The following DTX3L variants were observed in gnomAD, a reference collection of about 807,000 sequenced individuals.
DTX3L encodes deltex E3 ubiquitin ligase 3L.
A neutral mutation model predicts 60.9 loss-of-function variants in DTX3L; 34 were observed. The observed-to-expected ratio is 0.56, with a 90% CI of 0.42 to 0.74. DTX3L has a LOEUF of 0.74. Among genes scored for constraint, DTX3L ranks in the 30% least tolerant of loss-of-function variants. The pLI is 0.00. For synonymous variants in DTX3L, 290 were observed against 316.6 expected (o/e 0.92, Z 0.89); for missense variants, 810 against 874.0 (o/e 0.93, Z 0.92).
At chr3:122,564,750 G>A (rs1033457845) in intron 1 of DTX3L, 137 bp downstream of exon 1, 17 of 1,102,896 alleles carry the variant, frequency 1.5e-5, no homozygotes, top group Non-Finnish European at 2.1e-5. Context: ...CAGGGACGGG[G>A]CCCTACTGCC....
In DTX3L at chr3:122,564,372, C is replaced by T; in HGVS notation, c.-55C>T. On this transcript the variant is annotated 5_prime_UTR_variant, in exon 1 of 5. Coordinates refer to ENST00000296161, the MANE Select transcript of DTX3L (RefSeq NM_138287.3). The stretch of plus-strand genomic sequence containing the variant: ...CGCCCAGTCCGCAGGGCGGGCCGCG[C>T]CTTTACCGCCCAGCTGCCTCCCGGA... 6.5e-7 allele frequency: 1 copy of T among 1,547,298 alleles called. No individual in the cohort carries two copies. The highest frequency in any genetic ancestry group is 8.7e-7 in the Non-Finnish European group (1 of 1,147,796).
At chr3:122,565,119 CTTTT>C (rs1301196125) in intron 1 of DTX3L, among the ~76,000 whole-genome samples, 2 of 152,076 alleles carry the variant, frequency 1.3e-5, no homozygotes, top group African/African-American at 4.8e-5. Flanking sequence ...TCCTTCCTGC[CTTTT>C]TTTATGAATG....
chr3:122,564,667 T>A, intron 1 of DTX3L, 54 bp downstream of exon 1: 4 of 1,546,908 alleles, frequency 2.6e-6, no homozygotes. Flanking sequence ...GGCCCCCGGG[T>A]TTCCAGGCGG....
chr3:122,571,074 T>C (rs9289200), intron 4 of DTX3L, among the ~76,000 whole-genome samples: 51,928 of 151,838 alleles, frequency 0.34, 9,388 homozygotes, highest in East Asian at 0.56. Flanking sequence ...GCCAATAATA[T>C]TCTAGAAAAA....
Position 122,569,076 on chromosome 3 carries a change from T to A in DTX3L, c.987T>A (p.Phe329Leu). Residue 329 changes from phenylalanine to leucine, a missense_variant, in exon 3 of 5, where the codon TTT becomes TTA. Phe to Leu is a conservative substitution (Grantham distance 22). Coordinates refer to ENST00000296161, the MANE Select transcript of DTX3L (RefSeq NM_138287.3). ...TCAAACAGGAATTGAATCACCAGTT[T>A]ACAAAGCTCCTTATAAAGGAGAAAG... is the stretch of plus-strand genomic sequence containing the variant. ...NKFKQELNHQ[F>L]TKLLIKEKGG... The A allele has an allele frequency of 6.2e-7, 1 of 1,614,098 alleles. No individual in the cohort carries two copies. Among genetic ancestry groups the A allele is most frequent in the Non-Finnish European group, 8.5e-7 (1 of 1,180,018 alleles).
rs1159020835 is a variant in DTX3L at position 122,574,108 on chromosome 3, G to C, written c.*2361G>C. The C allele has an allele frequency of 1.3e-5, 2 of 152,042 alleles. No individual in the cohort carries two copies. The highest frequency in any genetic ancestry group is 2.9e-5 in the Non-Finnish European group (2 of 68,046). 9.4% of individuals were successfully genotyped at this position (152,042 alleles called of 1,614,324 possible). A position where few individuals can be genotyped will look rare whatever the true frequency, so the allele number is the denominator to read the frequency against. ...CTGTCTTGGGCTCCCAAAGTGTTGG[G>C]ATTACAGGCGTGAGTGACCATGCCT... is the stretch of plus-strand genomic sequence containing the variant. On this transcript the variant is annotated 3_prime_UTR_variant, in exon 5 of 5. Transcript: ENST00000296161.
In DTX3L at chr3:122,569,573, TG is replaced by T. The variant is rs1362603497; in HGVS notation, c.1485del (p.Leu495PhefsTer13). Reference protein sequence around the residue: ...LNQESMTLTGLPNHLAKAKQY... With the variant: ...LNQESMTLTGXPNHLAKAKQY... ...CAAGAGTCAATGACTTTGACTGGTT[TG>T]CCAAATCACCTTGCAAAGGCGAAGC... is the stretch of plus-strand genomic sequence containing the variant. On this transcript the variant is annotated frameshift_variant, in exon 3 of 5. Coordinates refer to ENST00000296161, the MANE Select transcript of DTX3L (RefSeq NM_138287.3). LOFTEE classifies it high-confidence loss of function. 6.2e-7 allele frequency: 1 copy of T among 1,614,236 alleles called. No individual in the cohort carries two copies. Among genetic ancestry groups the T allele is most frequent in the South Asian group, 1.1e-5 (1 of 91,088 alleles).
At chr3:122,571,604 C>A in intron 4 of DTX3L, 74 bp from the exon 5 acceptor site, 1 of 1,145,848 alleles carries the variant, frequency 8.7e-7, no homozygotes, top group Non-Finnish European at 1.3e-6. Context: ...TTAATTAAAT[C>A]CTTAAATGCT....
chr3:122,570,643 C>T lies in DTX3L; in HGVS notation c.2124C>T (p.His708=), dbSNP rs370708553. The change falls in exon 4 of 5, where the codon CAC becomes CAT. Residue 708 remains histidine, a synonymous_variant. Transcript: ENST00000296161. ...SDVITWNDIH[H]KTSRFGGPEM... ...TCATCACTTGGAATGATATTCACCACAAAACATCCCGGTTTGGAGGACCAG... is the reference window on the plus strand; with the variant it reads ...TCATCACTTGGAATGATATTCACCATAAAACATCCCGGTTTGGAGGACCAG... The T allele has an allele frequency of 9.9e-6, 16 of 1,614,048 alleles. No individual in the cohort carries two copies. The African/African-American group carries it at 2.0e-4, about 20-fold the overall frequency.
At position 122,569,413 on chromosome 3, in the gene DTX3L, C is replaced by CA; in HGVS notation, c.1326dup (p.His443ThrfsTer30). 1 of 1,614,182 alleles carries CA rather than the reference C, an allele frequency of 6.2e-7. No homozygotes were observed. Among genetic ancestry groups the CA allele is most frequent in the South Asian group, 1.1e-5 (1 of 91,084 alleles). ...TTATGCAAGTTTCATCGATGCCTTT[C>CA]AACATGCCTCATGTCAGTTGATGAG... On this transcript the variant is annotated frameshift_variant, in exon 3 of 5. Transcript: ENST00000296161. LOFTEE classifies it high-confidence loss of function.
rs747211132 is a variant in DTX3L, at chr3:122,569,852, A to C, written c.1763A>C (p.Lys588Thr). 15 of 1,614,174 alleles carry C rather than the reference A, an allele frequency of 9.3e-6. 1 individual carries two copies. The South Asian group carries it at 1.6e-4, about 18-fold the overall frequency. Residue 588 changes from lysine (K) to threonine (T), a missense_variant, in exon 3 of 5, where the codon AAA (lysine) becomes ACA (threonine). Physicochemically the swap from Lys to Thr is moderately conservative, Grantham distance 78. Transcript: ENST00000296161. ...GAATTCTGCGCCCCTTGTATCAACA[A>C]AGCCATGTCATATAAGCCAATCTGT... Reference protein sequence around the residue: ...KHEFCAPCINKAMSYKPICPT... With the variant: ...KHEFCAPCINTAMSYKPICPT...
At chr3:122,566,292 A>G (rs2080590306) in intron 2 of DTX3L, among the ~76,000 whole-genome samples, 1 of 151,984 alleles carries the variant, frequency 6.6e-6, no homozygotes, top group African/African-American at 2.4e-5. Flanking sequence ...CAAGTAAACA[A>G]AATAAATAAA....
At chr3:122,565,837 G>A (rs2080574815) in intron 1 of DTX3L, 22 bp from the exon 2 acceptor site, 2 of 1,607,438 alleles carry the variant, frequency 1.2e-6, no homozygotes, top group Non-Finnish European at 1.7e-6. Flanking sequence ...GTATATGTGT[G>A]TGTTTAATGT....
chr3:122,571,548 G>C, intron 4 of DTX3L, 130 bp from the exon 5 acceptor site: 1 of 680,286 alleles, frequency 1.5e-6, no homozygotes, highest in South Asian at 2.4e-5. Context: ...GTCATGATAC[G>C]TCATCCACCT....
Position 122,571,764 on chromosome 3 carries a change from T to C in DTX3L, c.*17T>C, listed in dbSNP as rs748288584. On this transcript the variant is annotated 3_prime_UTR_variant, in exon 5 of 5. Coordinates refer to ENST00000296161, the MANE Select transcript of DTX3L (RefSeq NM_138287.3). ...ATTGAGTAAGACAACTGCTGGAAGA[T>C]GTCTTAAATCAAGCTTTCAAAAAAA... 74 of 1,602,944 alleles carry C rather than the reference T, an allele frequency of 4.6e-5. No individual in the cohort carries two copies. Among genetic ancestry groups the C allele is most frequent in the Non-Finnish European group, 5.9e-5 (69 of 1,173,746 alleles).
At chr3:122,565,572 G>A (rs2107778619) in intron 1 of DTX3L, among the ~76,000 whole-genome samples, 1 of 146,520 alleles carries the variant, frequency 6.8e-6, no homozygotes. Context: ...AAAGAAGGAA[G>A]AAGGAAAGGG....
Position 122,569,128 on chromosome 3 carries a change from C to A in DTX3L, c.1039C>A (p.Gln347Lys), listed in dbSNP as rs201895445. 1 of 1,614,012 alleles carries A rather than the reference C, an allele frequency of 6.2e-7. No homozygotes were observed. Among genetic ancestry groups the A allele is most frequent in the East Asian group, 2.2e-5 (1 of 44,882 alleles). Reference sequence around the variant, plus strand: ...AGGCGAATTAACTCTCCTTGGGACCCAAGATGACATTTCAGCTGCCAAACA... The same window carrying A: ...AGGCGAATTAACTCTCCTTGGGACCAAAGATGACATTTCAGCTGCCAAACA... The part of the protein sequence containing the change: ...KGGELTLLGT[Q>K]DDISAAKQKI... Residue 347 changes from glutamine to lysine, a missense_variant, in exon 3 of 5, where the codon CAA becomes AAA. Gln to Lys is a moderately conservative substitution (Grantham distance 53, BLOSUM62 1). Coordinates refer to ENST00000296161, the MANE Select transcript of DTX3L (RefSeq NM_138287.3).
chr3:122,569,975 C>T lies in DTX3L; in HGVS notation c.1886C>T (p.Ser629Phe), dbSNP rs1195226889. The T allele has an allele frequency of 6.2e-7, 1 of 1,613,930 alleles. No homozygotes were observed. Among genetic ancestry groups the T allele is most frequent in the East Asian group, 2.2e-5 (1 of 44,898 alleles). The change falls in exon 3 of 5, where the codon TCC (serine) becomes TTC (phenylalanine). Residue 629 changes from serine (S) to phenylalanine (F), a missense_variant. By Grantham distance (155) the Ser-to-Phe change is radical. Coordinates refer to ENST00000296161, the MANE Select transcript of DTX3L (RefSeq NM_138287.3). ...VSRDSLPGYE[S>F]FGTIVITYSM... is the part of the protein sequence containing the mutation. The stretch of plus-strand genomic sequence containing the variant: ...AGAGACTCACTTCCAGGTTATGAGT[C>T]CTTTGGCACCATTGTGATTACTTAT...
chr3:122,564,460 CT>C lies in DTX3L; in HGVS notation c.35del (p.Leu12ProfsTer57). 1 of 1,612,144 alleles carries C rather than the reference CT, an allele frequency of 6.2e-7. No homozygotes were observed. Among genetic ancestry groups the C allele is most frequent in the South Asian group, 1.1e-5 (1 of 91,058 alleles). ...ASHLRPPSPL[L>X]VRVYKSGPRV... Reference sequence around the variant, plus strand: ...CCACCTGCGCCCGCCGTCCCCGCTCCTCGTGCGGGTGTACAAGTCCGGCCCC... The same window carrying C: ...CCACCTGCGCCCGCCGTCCCCGCTCCCGTGCGGGTGTACAAGTCCGGCCCC... On this transcript the variant is annotated frameshift_variant, in exon 1 of 5. Coordinates refer to ENST00000296161, the MANE Select transcript of DTX3L (RefSeq NM_138287.3). LOFTEE classifies it high-confidence loss of function.
Sources: gnomAD v4.1 joint callset for allele counts (sites outside exome capture counted in the v4.1 genomes callset) on GRCh38, gnomAD v4.1.1 for gene constraint, MANE v1.5 for transcripts, NCBI Gene and HGNC (gene_info 2026-07-23, HGNC 2026-07-21) for gene names.